Variants in ZNF276 observed in about 807,000 individuals in gnomAD.
ZNF276 encodes zinc finger protein 276.
In ZNF276, 59 loss-of-function variants were observed where a neutral mutation model predicts 63.9. The observed-to-expected ratio is 0.92, with a 90% CI of 0.75 to 1.15. The LOEUF (loss-of-function observed/expected upper bound fraction) is 1.15. Ranked by LOEUF, ZNF276 falls within the 50% of genes most tolerant of loss-of-function variation. The pLI is 0.00. For synonymous variants in ZNF276, 496 were observed against 348.4 expected, an observed-to-expected ratio of 1.42 and a Z score of -4.72; for missense variants, 1,084 against 843.8, an observed-to-expected ratio of 1.28 and a Z score of -3.53.
Position 89,738,750 on chromosome 16 carries a change from G to C in ZNF276, c.*504G>C. 1 of 1,612,842 alleles carries C rather than the reference G, an allele frequency of 6.2e-7. No homozygotes were observed. The highest frequency in any genetic ancestry group is 2.2e-5 in the East Asian group (1 of 44,862). On this transcript the variant is annotated 3_prime_UTR_variant, in exon 11 of 11. Transcript: ENST00000443381. ...GGTCCTCAGCCCATGCCGCCCACTA[G>C]GCCTCAGACCACAGGGGAGGGGCTC...
In ZNF276 at chr16:89,722,559, C is replaced by T. The variant is rs150074858; in HGVS notation, c.234C>T (p.His78=). 77 of 1,612,420 alleles carry T rather than the reference C, an allele frequency of 4.8e-5. No individual in the cohort carries two copies. The highest frequency in any genetic ancestry group is 6.4e-5 in the Non-Finnish European group (76 of 1,179,936). ...CAGGCCGGGCTCTCGCCATGGGTCA[C>T]TGTCGCCTCTGCCACGGGAAGTTTT... ...AGAGRALAMG[H]CRLCHGKFSS... is the part of the protein sequence containing the mutation. The change falls in exon 2 of 11, where the codon CAC becomes CAT. Residue 78 remains histidine, a synonymous_variant. Coordinates refer to ENST00000443381, the MANE Select transcript of ZNF276 (RefSeq NM_001113525.2).
chr16:89,729,660 G>A (rs1317222996), intron 6 of ZNF276, among the ~76,000 whole-genome samples: 2 of 152,084 alleles, frequency 1.3e-5, no homozygotes, highest in African/African-American at 4.8e-5. Context: ...CCTGCCCTGG[G>A]TTCACACCCC....
intron 9 of ZNF276, among the ~76,000 whole-genome samples, chr16:89,735,969 G>A (rs557910987): frequency 1.1e-4 from 17 of 151,090 alleles, no homozygotes; most frequent in Middle Eastern, 7.0e-3. Flanking sequence ...TCAGCTCACT[G>A]CAAGCTCCTC....
intron 2 of ZNF276, 65 bp from the exon 3 acceptor site, chr16:89,723,072 C>G (rs1265357693): frequency 9.9e-6 from 16 of 1,611,894 alleles, no homozygotes; most frequent in Non-Finnish European, 1.2e-5. Flanking sequence ...GAGAGGGTCC[C>G]GTACGACGAG....
Position 89,733,857 on chromosome 16 carries a change from T to C in ZNF276, c.1357-64T>C. The C allele has an allele frequency of 6.0e-6, 9 of 1,511,472 alleles. No individual in the cohort carries two copies. In the South Asian group the frequency reaches 1.0e-4, roughly 17 times the overall value. The allele number at this position is 1,511,472 out of a possible 1,614,324, so 93.6% of individuals were successfully genotyped here. ...TCCAGGGGCCTCAGCTGTCACCTAC[T>C]GAGGGCTCGTGCCATGTGGCCCGGG... On this transcript the variant is annotated intron_variant, in intron 8 of 10. Transcript: ENST00000443381.
chr16:89,730,967 A>G (rs1483300782), intron 6 of ZNF276, among the ~76,000 whole-genome samples: 1 of 152,224 alleles, frequency 6.6e-6, no homozygotes, highest in African/African-American at 2.4e-5. Flanking sequence ...CCCCATGGGG[A>G]AAGAACTGAC....
intron 6 of ZNF276, 162 bp from the exon 7 acceptor site, chr16:89,733,140 G>A (rs1226383490): frequency 1.5e-6 from 1 of 684,340 alleles, no homozygotes; most frequent in Non-Finnish European, 2.5e-6. Flanking sequence ...CCTGTCCAGA[G>A]TTGCTCTGGC....
chr16:89,730,501 C>T (rs2061610363), intron 6 of ZNF276, among the ~76,000 whole-genome samples: 1 of 152,150 alleles, frequency 6.6e-6, no homozygotes, highest in Non-Finnish European at 1.5e-5. Context: ...AGGGGAGGGT[C>T]CTCTCTGCTG....
intron 6 of ZNF276, chr16:89,732,068 T>C (rs1248417045): frequency 1.3e-5 from 2 of 152,248 alleles, no homozygotes; most frequent in Non-Finnish European, 2.9e-5. Flanking sequence ...GGGTTTCATG[T>C]AGAGGTTTTA....
rs565922919 is a variant in ZNF276 at position 89,735,031 on chromosome 16, C to T, written c.1474+993C>T. Among the ~76,000 whole-genome samples the T allele has an allele frequency of 3.7e-4, 56 of 151,926 alleles. 1 individual carries two copies. The highest frequency in any genetic ancestry group is 2.0e-3 in the East Asian group (10 of 5,104). Reference sequence around the variant, plus strand: ...AAAATTATCTGGGTGTGGTGGCACACGCCTGTAGGCACAGCTACTTGGGAG... The same window carrying T: ...AAAATTATCTGGGTGTGGTGGCACATGCCTGTAGGCACAGCTACTTGGGAG... On this transcript the variant is annotated intron_variant, in intron 9 of 10. Transcript: ENST00000443381.
chr16:89,720,871 C>T, upstream of ZNF276: 1 of 1,357,898 alleles, frequency 7.4e-7, no homozygotes, highest in South Asian at 1.7e-5. Context: ...TGGCGCCGAG[C>T]GGGGGAGGCG....
At chr16:89,720,389 G>T (rs1320494637), upstream of ZNF276, 1 of 996,988 alleles carries the variant, frequency 1.0e-6, no homozygotes, top group Non-Finnish European at 1.2e-6. Context: ...GTCCCCTGTG[G>T]CAACCGGATT....
chr16:89,720,790 G>A (rs546341547), upstream of ZNF276: 65 of 1,459,782 alleles, frequency 4.5e-5, no homozygotes, highest in African/African-American at 8.4e-4. Context: ...TGTCCAGCTC[G>A]ATGGCCCCGT....
Position 89,738,919 on chromosome 16 carries a change from G to A in ZNF276, c.*673G>A. ...TGAGAAGCTCTTTTTCGGGCACCGAGGTATTAACTGCAGCAGAAAAAGACG... is the reference window on the plus strand; with the variant it reads ...TGAGAAGCTCTTTTTCGGGCACCGAAGTATTAACTGCAGCAGAAAAAGACG... On this transcript the variant is annotated 3_prime_UTR_variant, in exon 11 of 11. Coordinates refer to ENST00000443381, the MANE Select transcript of ZNF276 (RefSeq NM_001113525.2). 1 of 1,614,256 alleles carries A rather than the reference G, an allele frequency of 6.2e-7. No homozygotes were observed. The highest frequency in any genetic ancestry group is 1.1e-5 in the South Asian group (1 of 91,092).
Position 89,733,904 on chromosome 16 carries a change from C to T in ZNF276, c.1357-17C>T. 2 of 1,611,742 alleles carry T rather than the reference C, an allele frequency of 1.2e-6. No homozygotes were observed. Among genetic ancestry groups the T allele is most frequent in the Non-Finnish European group, 1.7e-6 (2 of 1,178,404 alleles). On this transcript the variant is annotated splice_polypyrimidine_tract_variant and intron_variant, in intron 8 of 10. Coordinates refer to ENST00000443381, the MANE Select transcript of ZNF276 (RefSeq NM_001113525.2). ...CGGGTGCGGCTCTGAGGGTCTCTCA[C>T]CGAGTCTCTCCTTCAGAAGCACATC...
chr16:89,727,604 T>G (rs1274490556), intron 5 of ZNF276, among the ~76,000 whole-genome samples: 1 of 152,126 alleles, frequency 6.6e-6, no homozygotes, highest in East Asian at 1.9e-4. Flanking sequence ...GCTGGGGAGC[T>G]TCCGAGGCTT....
At chr16:89,720,822 G>A, upstream of ZNF276, 1 of 1,450,786 alleles carries the variant, frequency 6.9e-7, no homozygotes, top group Non-Finnish European at 9.1e-7. Context: ...ATGGCGCTCT[G>A]CAGCGGCTTC....
rs900858198 is a variant in ZNF276, at chr16:89,740,788, G to A, written c.*2542G>A. On this transcript the variant is annotated 3_prime_UTR_variant, in exon 11 of 11. Coordinates refer to ENST00000443381, the MANE Select transcript of ZNF276 (RefSeq NM_001113525.2). ...ACAGTGGGAGAGGACACCTTGGCTG[G>A]TAAGGTCTGACTTACATTTGAGGTC... 2.5e-6 allele frequency: 4 copies of A among 1,611,940 alleles called. No individual in the cohort carries two copies. Among genetic ancestry groups the A allele is most frequent in the Non-Finnish European group, 3.4e-6 (4 of 1,178,616 alleles).
intron 6 of ZNF276, chr16:89,732,276 C>T (rs2061678710): frequency 6.6e-6 from 1 of 152,326 alleles, no homozygotes; most frequent in Non-Finnish European, 1.5e-5. Flanking sequence ...AGGACAAGGT[C>T]TCCTGCCCAC....
Sources: allele counts gnomAD v4.1 joint callset (sites outside exome capture counted in the v4.1 genomes callset), GRCh38; gene constraint gnomAD v4.1.1; transcripts MANE v1.5; gene names NCBI Gene and HGNC (gene_info 2026-07-23, HGNC 2026-07-21).